CFAP54: variants seen among roughly 807,000 people sequenced by gnomAD.
CFAP54 encodes cilia and flagella associated protein 54.
CFAP54 carries 290 observed loss-of-function variants against 370.4 expected under a neutral mutation model. The observed-to-expected ratio is 0.78, with a 90% CI of 0.71 to 0.86. The LOEUF (loss-of-function observed/expected upper bound fraction) is 0.86, where lower values mean the gene tolerates loss of function less well. Ranked by LOEUF, CFAP54 falls within the 40% of genes least tolerant of loss-of-function variation. The pLI, the probability that CFAP54 is intolerant of heterozygous loss-of-function variation, is 0.00. For synonymous variants in CFAP54, 1,206 were observed against 1,236.5 expected (o/e 0.98, Z 0.52); for missense variants, 3,399 against 3,528.7 (o/e 0.96, Z 0.93).
chr12:96,515,560 T>A (rs1351741020), intron 5 of CFAP54, among the ~76,000 whole-genome samples: 1 of 151,978 alleles, frequency 6.6e-6, no homozygotes, highest in Non-Finnish European at 1.5e-5. Flanking sequence ...TCTTTGGAGG[T>A]CCCACCGTGT....
intron 26 of CFAP54, among the ~76,000 whole-genome samples, chr12:96,614,194 C>G (rs368700670): frequency 3.4e-3 from 524 of 152,304 alleles, no homozygotes; most frequent in Non-Finnish European, 6.6e-3. Flanking sequence ...CCCTGGGATG[C>G]AAGGCTGGTT....
intron 14 of CFAP54, among the ~76,000 whole-genome samples, chr12:96,545,634 C>T (rs1015718154): frequency 3.9e-5 from 6 of 152,216 alleles, no homozygotes; most frequent in African/African-American, 1.4e-4. Flanking sequence ...CTTATGGGAT[C>T]CATCTCTCAA....
chr12:96,615,594 A>C (rs1312689155), intron 26 of CFAP54, among the ~76,000 whole-genome samples: 1 of 152,230 alleles, frequency 6.6e-6, no homozygotes, highest in Non-Finnish European at 1.5e-5. Flanking sequence ...AATGGGAGAA[A>C]ATTTTTGCAA....
chr12:96,520,731 C>T (rs1366495820), intron 6 of CFAP54, among the ~76,000 whole-genome samples: 2 of 152,280 alleles, frequency 1.3e-5, no homozygotes, highest in African/African-American at 4.8e-5. Context: ...GTATGTGGGG[C>T]GTAAGCTGGA....
intron 36 of CFAP54, among the ~76,000 whole-genome samples, chr12:96,652,119 A>G (rs1956866157): frequency 6.6e-6 from 1 of 152,248 alleles, no homozygotes; most frequent in Admixed American, 6.5e-5. Flanking sequence ...ATAAAGAAAT[A>G]GATTCCAAGG....
chr12:96,707,928 GGT>G (rs1957563320), intron 47 of CFAP54, among the ~76,000 whole-genome samples: 1 of 151,938 alleles, frequency 6.6e-6, no homozygotes, highest in Admixed American at 6.6e-5. Context: ...AGAGAGAGAG[GGT>G]GAATGGACTG....
chr12:96,500,339 G>A (rs1448576970), intron 1 of CFAP54, among the ~76,000 whole-genome samples: 1 of 152,206 alleles, frequency 6.6e-6, no homozygotes, highest in Non-Finnish European at 1.5e-5. Flanking sequence ...GGATTTTTAG[G>A]ATAGTGAATC....
intron 26 of CFAP54, among the ~76,000 whole-genome samples, chr12:96,604,928 C>G (rs1956285147): frequency 6.6e-6 from 1 of 152,196 alleles, no homozygotes; most frequent in South Asian, 2.1e-4. Flanking sequence ...AACCCTTGTG[C>G]TTTCTGGGTG....
intron 38 of CFAP54, among the ~76,000 whole-genome samples, chr12:96,660,758 T>C (rs866919412): frequency 1.3e-4 from 20 of 152,200 alleles, no homozygotes; most frequent in Middle Eastern, 6.8e-3. Flanking sequence ...ACCCCAGAGG[T>C]TGGGGGCTCT....
chr12:96,682,108 A>G (rs1332492479), intron 40 of CFAP54: 2 of 927,814 alleles, frequency 2.2e-6, no homozygotes, highest in Non-Finnish European at 2.6e-6. Context: ...TACATTTTAA[A>G]TTGATTTATT....
intron 48 of CFAP54, among the ~76,000 whole-genome samples, chr12:96,711,030 A>G (rs949941006): frequency 6.6e-6 from 1 of 152,246 alleles, no homozygotes; most frequent in Non-Finnish European, 1.5e-5. Flanking sequence ...CAGTGAAGAC[A>G]TCTGAGCTTG....
chr12:96,697,015 G>C (rs912565300), intron 45 of CFAP54, among the ~76,000 whole-genome samples: 1 of 152,204 alleles, frequency 6.6e-6, no homozygotes, highest in Non-Finnish European at 1.5e-5. Context: ...TTCATGATCA[G>C]CTGGCCTGGC....
intron 35 of CFAP54, among the ~76,000 whole-genome samples, chr12:96,650,338 C>G (rs1956845098): frequency 6.6e-6 from 1 of 152,028 alleles, no homozygotes; most frequent in Non-Finnish European, 1.5e-5. Context: ...TGTTCTTTGT[C>G]CCTGTTCATG....
chr12:96,657,854 A>AT (rs10710617), intron 36 of CFAP54, 28 bp from the exon 37 acceptor site: 851 of 1,318,692 alleles, frequency 6.5e-4, no homozygotes, highest in Middle Eastern at 2.6e-3. Context: ...GAAATTACAC[A>AT]TTTTTTTTTT....
chr12:96,823,485 A>G (rs1416083093), intron 65 of CFAP54, among the ~76,000 whole-genome samples: 1 of 152,200 alleles, frequency 6.6e-6, no homozygotes, highest in African/African-American at 2.4e-5. Flanking sequence ...ATATGAAGTC[A>G]TGGAACTGAA....
chr12:96,873,907 T>G (rs932687008), intron 67 of CFAP54, among the ~76,000 whole-genome samples: 1 of 152,172 alleles, frequency 6.6e-6, no homozygotes, highest in Non-Finnish European at 1.5e-5. Flanking sequence ...GGGCTATGAT[T>G]TGCTGACCCA....
chr12:96,840,491 C>T (rs971389659), intron 66 of CFAP54, among the ~76,000 whole-genome samples: 1 of 152,090 alleles, frequency 6.6e-6, no homozygotes, highest in Non-Finnish European at 1.5e-5. Flanking sequence ...TGACAGTACT[C>T]TCTAAACTGT....
chr12:96,676,262 C>T (rs893230134), intron 39 of CFAP54, among the ~76,000 whole-genome samples: 1 of 152,100 alleles, frequency 6.6e-6, no homozygotes, highest in Non-Finnish European at 1.5e-5. Context: ...AGGACAGGGA[C>T]AAGCCTGAGA....
At chr12:96,789,457 A>G (rs966441851) in intron 62 of CFAP54, among the ~76,000 whole-genome samples, 2 of 152,200 alleles carry the variant, frequency 1.3e-5, no homozygotes, top group Non-Finnish European at 2.9e-5. Context: ...GCCAGGTGTC[A>G]CAGATACCTC....
Sources: allele counts gnomAD v4.1 joint callset (sites outside exome capture counted in the v4.1 genomes callset), GRCh38; gene constraint gnomAD v4.1.1; transcripts MANE v1.5; gene names NCBI Gene and HGNC (gene_info 2026-07-23, HGNC 2026-07-21).